The following RAP1GAP2 variants were observed in gnomAD, a reference collection of about 807,000 sequenced individuals.
RAP1GAP2 encodes the protein RAP1 GTPase activating protein 2, also known as rap1 GTPase-activating protein 2.
A neutral mutation model predicts 95.0 loss-of-function variants in RAP1GAP2; 27 were observed. The observed-to-expected ratio is 0.28, with a 90% confidence interval of 0.21 to 0.39. RAP1GAP2 has a LOEUF of 0.39. Among genes scored for constraint, RAP1GAP2 ranks in the 10% least tolerant of loss-of-function variants. The pLI is 1.00. For missense variants in RAP1GAP2, 771 were observed against 970.0 expected (o/e 0.79, Z 2.72); for synonymous variants, 373 against 380.9 (o/e 0.98, Z 0.24).
In RAP1GAP2 at chr17:3,027,873, G is replaced by A. The variant is rs2047177527; in HGVS notation, c.2107+803G>A. ...GGAGGTAAAATGTACGGGCTCAGTA[G>A]CAGGGGTTCAGAGAGAGCAGGAGTC... On this transcript the variant is annotated intron_variant, in intron 22 of 24. Transcript: ENST00000254695. The surrounding 1 kb of genome is among the most constrained non-coding windows in gnomAD (Gnocchi z 5.2). Among the ~76,000 whole-genome samples the A allele has an allele frequency of 6.6e-6, 1 of 151,984 alleles. No individual in the cohort carries two copies. Among genetic ancestry groups the A allele is most frequent in the African/African-American group, 2.4e-5 (1 of 41,382 alleles).
intron 3 of RAP1GAP2, among the ~76,000 whole-genome samples, chr17:2,927,328 T>C (rs1044715154): frequency 2.0e-5 from 3 of 152,016 alleles, no homozygotes; most frequent in Non-Finnish European, 4.4e-5. Flanking sequence ...TAATTTTTTG[T>C]ATTTTTAGTA....
intron 10 of RAP1GAP2, among the ~76,000 whole-genome samples, 186 bp downstream of exon 10, chr17:2,981,434 C>T (rs545854177): frequency 5.3e-5 from 8 of 152,302 alleles, no homozygotes; most frequent in African/African-American, 1.9e-4. Flanking sequence ...CCAACCTCAG[C>T]CATGCCTAGG....
intron 3 of RAP1GAP2, among the ~76,000 whole-genome samples, chr17:2,938,576 A>G (rs929649421): frequency 6.6e-6 from 1 of 152,128 alleles, no homozygotes; most frequent in Non-Finnish European, 1.5e-5. Context: ...GCCATTCGCT[A>G]TCTTTAATTT....
rs944245514 is a variant in RAP1GAP2, at chr17:2,861,846, G to A, written c.81-43438G>A. 9.5e-4 allele frequency among the ~76,000 whole-genome samples: 144 copies of A among 152,202 alleles called. 1 individual carries two copies. The highest frequency in any genetic ancestry group is 3.4e-3 in the African/African-American group (141 of 41,526). On this transcript the variant is annotated intron_variant, in intron 2 of 24. Transcript: ENST00000254695. ...ATTTTTTGTATTTTTAGTAGAGACG[G>A]GGTTTCACCATGTTGGCCAGGCTGC...
At chr17:3,026,240 A>C (rs748113638) in intron 20 of RAP1GAP2, 110 bp from the exon 21 acceptor site, 49 of 1,292,342 alleles carry the variant, frequency 3.8e-5, no homozygotes, top group Non-Finnish European at 5.3e-5. Context: ...CCAGAACACA[A>C]AGGCCGACGG....
intron 17 of RAP1GAP2, among the ~76,000 whole-genome samples, chr17:3,012,028 C>A (rs965778902): frequency 1.3e-5 from 2 of 152,146 alleles, no homozygotes; most frequent in Admixed American, 6.5e-5. Context: ...GCTGCTCCCC[C>A]ACGTCAGCAC....
intron 3 of RAP1GAP2, among the ~76,000 whole-genome samples, chr17:2,933,193 G>C (rs1432774151): frequency 2.0e-5 from 3 of 152,256 alleles, no homozygotes; most frequent in Non-Finnish European, 4.4e-5. Flanking sequence ...AAAGCGCCTG[G>C]TGTAGAGAGG....
chr17:2,797,593 C>T lies in RAP1GAP2; in HGVS notation c.44+1022C>T, dbSNP rs911472715. The T allele has an allele frequency of 2.7e-5, 18 of 669,356 alleles. No homozygotes were observed. The highest frequency in any genetic ancestry group is 1.9e-4 in the Admixed American group (3 of 15,854). 41.5% of individuals were successfully genotyped at this position (669,356 alleles called of 1,614,324 possible). ...GTGTTCCTCGGTAATTTTTCGCTTC[C>T]GTGTGTGTGGCTTATTTCCCTCTTC... On this transcript the variant is annotated intron_variant, in intron 1 of 24. Transcript: ENST00000254695. This position sits in a 1 kb window ranked among gnomAD's most constrained non-coding sequence, Gnocchi z 5.6.
intron 3 of RAP1GAP2, among the ~76,000 whole-genome samples, chr17:2,923,231 G>C (rs2042848709): frequency 6.6e-6 from 1 of 151,844 alleles, no homozygotes; most frequent in Non-Finnish European, 1.5e-5. Context: ...ATAGAGATGG[G>C]GTTTCACCAT....
rs1340566274 is a variant in RAP1GAP2 at position 2,796,672 on chromosome 17, G to T, written c.44+101G>T. The stretch of plus-strand genomic sequence containing the variant: ...CCGTGGGAACAGAGGGGCTCGGGCT[G>T]TGCCTGAGAGCTGGGTCTGCTGACG... On this transcript the variant is annotated intron_variant, in intron 1 of 24. Transcript: ENST00000254695. The surrounding 1 kb of genome is among the most constrained non-coding windows in gnomAD (Gnocchi z 4.7). 2.9e-6 allele frequency: 4 copies of T among 1,357,368 alleles called. No individual in the cohort carries two copies. Among genetic ancestry groups the T allele is most frequent in the Admixed American group, 2.0e-5 (1 of 50,462 alleles). The allele number at this position is 1,357,368 out of a possible 1,614,324, so 84.1% of individuals were successfully genotyped here. A position where few individuals can be genotyped will look rare whatever the true frequency, so the allele number is the denominator to read the frequency against.
chr17:2,825,483 C>G lies in RAP1GAP2; in HGVS notation c.80+24933C>G, dbSNP rs28594458. On this transcript the variant is annotated intron_variant, in intron 2 of 24. Coordinates refer to ENST00000254695, the MANE Select transcript of RAP1GAP2 (RefSeq NM_015085.5). This position sits in a 1 kb window ranked among gnomAD's most constrained non-coding sequence, Gnocchi z 4.1. ...GTTTGTTTATCTGATGAATATTCAT[C>G]GAGCTCCTATTTGTAGCCAGCCGCC... Among the ~76,000 whole-genome samples the G allele has an allele frequency of 0.42, 63,285 of 151,890 alleles. 13,558 individuals are homozygous for G. The highest frequency in any genetic ancestry group is 0.48 in the Non-Finnish European group (32,794 of 67,958).
intron 17 of RAP1GAP2, among the ~76,000 whole-genome samples, chr17:3,010,231 TCAGGAGGCTGAGG>T (rs1316838628): frequency 6.8e-6 from 1 of 148,030 alleles, no homozygotes; most frequent in Non-Finnish European, 1.5e-5. Context: ...TCCCAGCTAC[TCAGGAGGCTGAGG>T]CAGGAGAATC....
chr17:3,016,241 G>A (rs989072071), intron 17 of RAP1GAP2, among the ~76,000 whole-genome samples: 2 of 152,156 alleles, frequency 1.3e-5, no homozygotes. Flanking sequence ...TCTTTTTTGG[G>A]AATCATTGAG....
At chr17:2,981,082 C>T (rs2045339811) in intron 9 of RAP1GAP2, 113 bp from the exon 10 acceptor site, 1 of 910,650 alleles carries the variant, frequency 1.1e-6, no homozygotes, top group East Asian at 2.7e-5. Flanking sequence ...CCCGCCCAGG[C>T]CTCCTGACCC....
intron 2 of RAP1GAP2, among the ~76,000 whole-genome samples, chr17:2,850,936 G>A (rs928062941): frequency 1.3e-5 from 2 of 151,476 alleles, no homozygotes; most frequent in East Asian, 1.9e-4. Context: ...GGCGAATGCC[G>A]GTAGTCCCAG....
intron 1 of RAP1GAP2, among the ~76,000 whole-genome samples, chr17:2,785,899 CTTTTTTTTTT>C (rs386385450): frequency 2.5e-4 from 30 of 119,928 alleles, no homozygotes; most frequent in East Asian, 1.5e-3. Context: ...AAAAGTATGA[CTTTTTTTTTT>C]TTTTTTTTTT....
chr17:2,995,829 C>T lies in RAP1GAP2; in HGVS notation c.1044+363C>T, dbSNP rs74796758. ...AGAGCCCAGGGCAGAGCCTGGGGGC[C>T]CTGGTCATAGAGGGTGGTGGCAAAG... is the stretch of plus-strand genomic sequence containing the variant. On this transcript the variant is annotated intron_variant, in intron 13 of 24. Coordinates refer to ENST00000254695, the MANE Select transcript of RAP1GAP2 (RefSeq NM_015085.5). Among the ~76,000 whole-genome samples the T allele has an allele frequency of 1.9e-4, 29 of 152,270 alleles. No homozygotes were observed. In the South Asian group the frequency reaches 5.8e-3, roughly 30 times the overall value.
rs908358562 is a variant in RAP1GAP2 at position 2,865,954 on chromosome 17, A to G, written c.81-39330A>G. Among the ~76,000 whole-genome samples the G allele has an allele frequency of 3.9e-5, 6 of 152,234 alleles. No individual in the cohort carries two copies. In the East Asian group the frequency reaches 5.8e-4, roughly 15 times the overall value. Reference sequence around the variant, plus strand: ...TCATTCACTCATTCAGTTCACCTCCATCAATATGCGGGTGCCCTCCCTGCC... The same window carrying G: ...TCATTCACTCATTCAGTTCACCTCCGTCAATATGCGGGTGCCCTCCCTGCC... On this transcript the variant is annotated intron_variant, in intron 2 of 24. Coordinates refer to ENST00000254695, the MANE Select transcript of RAP1GAP2 (RefSeq NM_015085.5).
chr17:2,838,418 G>C (rs1254090880), intron 2 of RAP1GAP2, among the ~76,000 whole-genome samples: 2 of 152,104 alleles, frequency 1.3e-5, no homozygotes, highest in Non-Finnish European at 2.9e-5. Flanking sequence ...GGTGTGTGCT[G>C]CCCTGCAAGG....
Sources: gnomAD v4.1 joint callset for allele counts (sites outside exome capture counted in the v4.1 genomes callset) on GRCh38, gnomAD v4.1.1 for gene constraint, Gnocchi (gnomAD v3.1) non-coding constraint, MANE v1.5 for transcripts, NCBI Gene and HGNC (gene_info 2026-07-23, HGNC 2026-07-21) for gene names.